The following EPSTI1 variants were observed in gnomAD, a reference collection of about 807,000 sequenced individuals.
EPSTI1 encodes epithelial stromal interaction 1.
In EPSTI1, 66 loss-of-function variants were observed where a neutral mutation model predicts 49.9. The ratio of observed to expected loss-of-function variants is 1.32; its 90% confidence interval spans 1.08 to 1.62. EPSTI1 has a LOEUF of 1.62. Ranked by LOEUF, EPSTI1 falls within the 40% of genes most tolerant of loss-of-function variation. EPSTI1 has a pLI of 0.00. For synonymous variants in EPSTI1, 137 were observed against 130.7 expected, an observed-to-expected ratio of 1.05 and a Z score of -0.33; for missense variants, 394 against 365.5, an observed-to-expected ratio of 1.08 and a Z score of -0.64.
Position 42,922,275 on chromosome 13 carries a change from C to G in EPSTI1, c.657+4061G>C, listed in dbSNP as rs111592307. Reference sequence around the variant, plus strand: ...CCAAAGACGTCCCAATCCCTGGAATCTGTGAATGTTTCTTTATGTGACAAA... The same window carrying G: ...CCAAAGACGTCCCAATCCCTGGAATGTGTGAATGTTTCTTTATGTGACAAA... On this transcript the variant is annotated intron_variant, in intron 7 of 10. Transcript: ENST00000313624. This position sits in a 1 kb window ranked among gnomAD's most constrained non-coding sequence, Gnocchi z 4.8. Among the ~76,000 whole-genome samples the G allele has an allele frequency of 5.1e-3, 776 of 152,292 alleles. 14 individuals carry two copies. The highest frequency in any genetic ancestry group is 0.018 in the African/African-American group (733 of 41,562).
intron 7 of EPSTI1, among the ~76,000 whole-genome samples, chr13:42,919,133 GTTC>G (rs1372151410): frequency 6.6e-6 from 1 of 152,094 alleles, no homozygotes; most frequent in Non-Finnish European, 1.5e-5. Context: ...TCATTTTGTT[GTTC>G]TTTTATTAGA....
At chr13:42,891,093 A>C (rs2037021677) in intron 10 of EPSTI1, among the ~76,000 whole-genome samples, 1 of 152,216 alleles carries the variant, frequency 6.6e-6, no homozygotes, top group Non-Finnish European at 1.5e-5. Context: ...TCTGGAACAA[A>C]TTCTATCTCA....
At chr13:42,979,712 CTTT>C (rs1192822590) in intron 1 of EPSTI1, among the ~76,000 whole-genome samples, 1 of 151,848 alleles carries the variant, frequency 6.6e-6, no homozygotes, top group Non-Finnish European at 1.5e-5. Flanking sequence ...CCCACATTTG[CTTT>C]TTCTCTTTTA....
At chr13:42,899,823 T>C (rs1404813073) in intron 9 of EPSTI1, among the ~76,000 whole-genome samples, 1 of 152,200 alleles carries the variant, frequency 6.6e-6, no homozygotes, top group Non-Finnish European at 1.5e-5. Flanking sequence ...GCTTAGACTA[T>C]TTGAAAATTA....
chr13:42,941,788 G>A (rs1390439711), intron 6 of EPSTI1, among the ~76,000 whole-genome samples: 3 of 150,998 alleles, frequency 2.0e-5, no homozygotes, highest in Non-Finnish European at 2.9e-5. Context: ...GGCCAATTTT[G>A]TAGTAGATTT....
At chr13:42,907,361 C>A (rs1411403662) in intron 8 of EPSTI1, among the ~76,000 whole-genome samples, 1 of 152,196 alleles carries the variant, frequency 6.6e-6, no homozygotes, top group East Asian at 1.9e-4. Flanking sequence ...ATTCCAAACT[C>A]CAAAACCTTC....
intron 8 of EPSTI1, among the ~76,000 whole-genome samples, chr13:42,908,269 G>T (rs112612051): frequency 5.9e-4 from 89 of 152,088 alleles, no homozygotes; most frequent in Non-Finnish European, 1.1e-3. Context: ...GCAGATCACT[G>T]CAGGCTAGGA....
At position 42,895,066 on chromosome 13, in the gene EPSTI1, T is replaced by C; in HGVS notation, c.858A>G (p.Gln286=). 2 of 1,613,678 alleles carry C rather than the reference T, an allele frequency of 1.2e-6. No individual in the cohort carries two copies. Among genetic ancestry groups the C allele is most frequent in the Non-Finnish European group, 1.7e-6 (2 of 1,179,770 alleles). Residue 286 remains glutamine, a synonymous_variant, in exon 10 of 11, where the codon CAA becomes CAG. Coordinates refer to ENST00000313624, the MANE Select transcript of EPSTI1 (RefSeq NM_033255.5). ...AFLDRLQGKS[Q]PGGLEQSGGC... ...CTCCAGATTGCTCGAGGCCACCTGG[T>C]TGACTTTTGCCTTGGAGTCGGTCCA...
chr13:42,950,602 C>G (rs966762953), intron 6 of EPSTI1, among the ~76,000 whole-genome samples: 1 of 152,156 alleles, frequency 6.6e-6, no homozygotes, highest in African/African-American at 2.4e-5. Context: ...CTATCATGAG[C>G]TTTTTCTCCA....
At chr13:42,953,285 T>G in intron 6 of EPSTI1, among the ~76,000 whole-genome samples, 1 of 151,214 alleles carries the variant, frequency 6.6e-6, no homozygotes, top group South Asian at 2.1e-4. Flanking sequence ...ATTCAAAGAG[T>G]TTTAGTGAGA....
chr13:42,944,487 G>A (rs1430206151), intron 6 of EPSTI1, among the ~76,000 whole-genome samples: 1 of 152,134 alleles, frequency 6.6e-6, no homozygotes. Context: ...CATGGACACA[G>A]GGAGGGGAAC....
intron 8 of EPSTI1, among the ~76,000 whole-genome samples, chr13:42,910,030 T>G (rs2037619012): frequency 6.6e-6 from 1 of 152,202 alleles, no homozygotes; most frequent in South Asian, 2.1e-4. Flanking sequence ...AATGTTTATA[T>G]ACTTCAAAAT....
chr13:42,898,154 T>C (rs2037250275), intron 9 of EPSTI1, among the ~76,000 whole-genome samples: 1 of 152,234 alleles, frequency 6.6e-6, no homozygotes, highest in Non-Finnish European at 1.5e-5. Context: ...GTCAGGAATC[T>C]CAGTGCTTTC....
At chr13:42,981,037 C>A (rs1210530608) in intron 1 of EPSTI1, among the ~76,000 whole-genome samples, 3 of 151,918 alleles carry the variant, frequency 2.0e-5, no homozygotes, top group Admixed American at 6.6e-5. Context: ...CAATACTAGC[C>A]CTTGAGTTTT....
intron 6 of EPSTI1, among the ~76,000 whole-genome samples, chr13:42,952,106 A>C (rs957776467): frequency 3.3e-5 from 5 of 152,200 alleles, no homozygotes; most frequent in Non-Finnish European, 7.4e-5. Flanking sequence ...TGGACCAATC[A>C]GCACTCTGTA....
intron 8 of EPSTI1, among the ~76,000 whole-genome samples, chr13:42,910,257 C>CTTTTTT (rs71099807): frequency 5.1e-5 from 5 of 97,664 alleles, no homozygotes; most frequent in African/African-American, 8.2e-5. Flanking sequence ...TTAACCAAAT[C>CTTTTTT]TTTTTTTTTT....
At chr13:42,911,606 A>AT (rs2037688122) in intron 8 of EPSTI1, among the ~76,000 whole-genome samples, 1 of 152,196 alleles carries the variant, frequency 6.6e-6, no homozygotes, top group Non-Finnish European at 1.5e-5. Flanking sequence ...ATTCATTAGC[A>AT]TAGCATTGTT....
At chr13:42,963,155 G>T (rs1323077645) in intron 5 of EPSTI1, 100 bp downstream of exon 5, 2 of 960,170 alleles carry the variant, frequency 2.1e-6, no homozygotes, top group East Asian at 5.1e-5. Flanking sequence ...GAGAGAGAGA[G>T]AAAGATGGAT....
intron 3 of EPSTI1, 89 bp from the exon 4 acceptor site, chr13:42,964,228 T>C: frequency 1.1e-6 from 1 of 942,588 alleles, no homozygotes; most frequent in South Asian, 1.7e-5. Flanking sequence ...AATAAATCTA[T>C]AACATGAGTT....
Sources: allele counts gnomAD v4.1 joint callset (sites outside exome capture counted in the v4.1 genomes callset), GRCh38; gene constraint gnomAD v4.1.1; non-coding constraint Gnocchi (gnomAD v3.1); transcripts MANE v1.5; gene names NCBI Gene and HGNC (gene_info 2026-07-23, HGNC 2026-07-21).